The following SLC34A2 variants were observed in gnomAD, a reference collection of about 807,000 sequenced individuals.
The protein encoded by SLC34A2 is solute carrier family 34 member 2.
SLC34A2 carries 41 observed loss-of-function variants against 50.8 expected under a neutral mutation model. The observed-to-expected ratio is 0.81, with a 90% CI of 0.63 to 1.05. The LOEUF (loss-of-function observed/expected upper bound fraction) is 1.05. Among genes scored for constraint, SLC34A2 ranks in the 50% least tolerant of loss-of-function variants. SLC34A2 has a pLI of 0.00. For missense variants in SLC34A2, 879 were observed against 876.7 expected (o/e 1.00, Z -0.03); for synonymous variants, 401 against 364.2 (o/e 1.10, Z -1.15).
At chr4:25,674,148 T>C in intron 10 of SLC34A2, 148 bp from the exon 11 acceptor site, 6 of 708,868 alleles carry the variant, frequency 8.5e-6, no homozygotes, top group Middle Eastern at 6.3e-4. Flanking sequence ...CAATGGGGAA[T>C]GAAACTGGAT....
In SLC34A2 at chr4:25,666,421, C is replaced by T. The variant is rs1714507231; in HGVS notation, c.523+150C>T. 1.1e-5 allele frequency: 10 copies of T among 903,622 alleles called. No individual in the cohort carries two copies. In the South Asian group the frequency reaches 1.2e-4, roughly 11 times the overall value. 56.0% of individuals were successfully genotyped at this position (903,622 alleles called of 1,614,324 possible). On this transcript the variant is annotated intron_variant, in intron 5 of 12. Coordinates refer to ENST00000382051, the MANE Select transcript of SLC34A2 (RefSeq NM_006424.3). Reference sequence around the variant, plus strand: ...CTTGCCCCAGCTACAATGTGTTTCCCTCTTGATCCAAGGCAACTTCCTGTT... The same window carrying T: ...CTTGCCCCAGCTACAATGTGTTTCCTTCTTGATCCAAGGCAACTTCCTGTT...
At chr4:25,674,984 TCTATGTTA>T (rs1339923051) in intron 12 of SLC34A2, among the ~76,000 whole-genome samples, 20 of 152,224 alleles carry the variant, frequency 1.3e-4, no homozygotes, top group Non-Finnish European at 2.5e-4. Context: ...GCATGGACCA[TCTATGTTA>T]CTTTGTGCAA....
At chr4:25,672,091 T>C (rs928222308) in intron 9 of SLC34A2, among the ~76,000 whole-genome samples, 3 of 152,098 alleles carry the variant, frequency 2.0e-5, no homozygotes, top group Admixed American at 6.5e-5. Context: ...CCCAGCACTT[T>C]GGGGAGGCCG....
In SLC34A2 at chr4:25,657,521, A is replaced by G. The variant is rs557751405; in HGVS notation, c.-4+1631A>G. On this transcript the variant is annotated intron_variant, in intron 1 of 12. Transcript: ENST00000382051. ...TTAACTGCTTTAACCTCCCCCCCCA[A>G]TACAATGCAGCACAACTGATATAGT... Among the ~76,000 whole-genome samples the G allele has an allele frequency of 5.9e-5, 9 of 152,272 alleles. No homozygotes were observed. The East Asian group carries it at 1.7e-3, about 29-fold the overall frequency.
chr4:25,668,729 T>C (rs1398326568), intron 6 of SLC34A2, among the ~76,000 whole-genome samples: 3 of 152,030 alleles, frequency 2.0e-5, no homozygotes, highest in Admixed American at 1.3e-4. Flanking sequence ...GCTCAACCCA[T>C]GCCACCTTTT....
At chr4:25,673,729 G>T (rs1012776290) in intron 10 of SLC34A2, among the ~76,000 whole-genome samples, 1 of 152,102 alleles carries the variant, frequency 6.6e-6, no homozygotes, top group African/African-American at 2.4e-5. Flanking sequence ...ATGAGAGCTC[G>T]CTAAGCCAAT....
In SLC34A2 at chr4:25,666,181, T is replaced by G; in HGVS notation, c.433T>G (p.Leu145Val). The change falls in exon 5 of 13, where the codon TTG becomes GTG. Residue 145 changes from leucine (L) to valine (V), a missense_variant. Transcript: ENST00000382051. ...CAGCTCTATTATGTCCAACCCTTTG[T>G]TGGGGCTGGTGATCGGGGTGCTGGT... The part of the protein sequence containing the change: ...SNSSIMSNPL[L>V]GLVIGVLVTV... The G allele has an allele frequency of 6.2e-7, 1 of 1,614,058 alleles. No individual in the cohort carries two copies. Among genetic ancestry groups the G allele is most frequent in the Non-Finnish European group, 8.5e-7 (1 of 1,180,026 alleles).
chr4:25,663,493 T>A (rs1370624234), intron 3 of SLC34A2, among the ~76,000 whole-genome samples: 1 of 152,196 alleles, frequency 6.6e-6, no homozygotes, highest in East Asian at 1.9e-4. Context: ...AATGTGGGCA[T>A]ATTTCTAGTA....
At chr4:25,669,463 G>A (rs190714663) in intron 6 of SLC34A2, among the ~76,000 whole-genome samples, 184 bp from the exon 7 acceptor site, 296 of 152,282 alleles carry the variant, frequency 1.9e-3, no homozygotes, top group Non-Finnish European at 3.3e-3. Context: ...TCTGGCCAAT[G>A]GGAATATAGA....
Position 25,672,955 on chromosome 4 carries a change from T to C in SLC34A2, c.1049-132T>C, listed in dbSNP as rs1046031497. The C allele has an allele frequency of 2.9e-5, 27 of 943,190 alleles. No homozygotes were observed. The African/African-American group carries it at 3.1e-4, about 11-fold the overall frequency. 58.4% of individuals were successfully genotyped at this position (943,190 alleles called of 1,614,324 possible). A position where few individuals can be genotyped will look rare whatever the true frequency, so the allele number is the denominator to read the frequency against. ...GGAGGCTGAGAAGGGCTGTCTTGAT[T>C]TGGGGCTGCCATCTGTTAAACTAAC... On this transcript the variant is annotated intron_variant, in intron 9 of 12. Transcript: ENST00000382051.
intron 10 of SLC34A2, 24 bp downstream of exon 10, chr4:25,673,278 A>G (rs1249609195): frequency 2.0e-6 from 2 of 1,000,186 alleles, no homozygotes; most frequent in South Asian, 2.8e-5. Flanking sequence ...CCTCACTTGT[A>G]GGCCTCACAT....
At chr4:25,675,527 A>G (rs1715064564) in intron 12 of SLC34A2, among the ~76,000 whole-genome samples, 1 of 152,252 alleles carries the variant, frequency 6.6e-6, no homozygotes, top group South Asian at 2.1e-4. Flanking sequence ...AATTAACCGC[A>G]TATGTCATCC....
chr4:25,668,763 A>G (rs965301070), intron 6 of SLC34A2, among the ~76,000 whole-genome samples: 1 of 152,046 alleles, frequency 6.6e-6, no homozygotes, highest in East Asian at 1.9e-4. Context: ...TTACAAGTTA[A>G]TAAAAAACAA....
intron 10 of SLC34A2, 152 bp downstream of exon 10, chr4:25,673,406 A>G: frequency 2.3e-6 from 2 of 851,574 alleles, no homozygotes; most frequent in Admixed American, 2.0e-5. Flanking sequence ...TCACCTGGAA[A>G]TGTTCTTGGC....
Position 25,677,077 on chromosome 4 carries a change from A to G in SLC34A2, c.*328A>G, listed in dbSNP as rs1447861602. On this transcript the variant is annotated 3_prime_UTR_variant, in exon 13 of 13. Transcript: ENST00000382051. ...TCAGTAGAACCTATTTTCAGACTCA[A>G]AAACCATCTTCAGAAAGAAAAGGCC... 2 of 340,696 alleles carry G rather than the reference A, an allele frequency of 5.9e-6. No individual in the cohort carries two copies. The highest frequency in any genetic ancestry group is 1.1e-5 in the Non-Finnish European group (2 of 182,704). The allele number at this position is 340,696 out of a possible 1,614,324, so 21.1% of individuals were successfully genotyped here.
intron 10 of SLC34A2, 121 bp from the exon 11 acceptor site, chr4:25,674,175 G>C (rs1168174060): frequency 2.7e-6 from 2 of 743,464 alleles, no homozygotes; most frequent in Non-Finnish European, 4.9e-6. Flanking sequence ...ACTCTACTCT[G>C]TAATCTGAGA....
intron 6 of SLC34A2, among the ~76,000 whole-genome samples, 188 bp downstream of exon 6, chr4:25,668,179 T>A (rs7665890): frequency 0.024 from 3,639 of 152,344 alleles, 148 homozygotes; most frequent in African/African-American, 0.081. Flanking sequence ...CTCAGCTCCC[T>A]GATCGGCAGA....
Position 25,670,801 on chromosome 4 carries a change from G to A in SLC34A2, c.895G>A (p.Val299Ile), listed in dbSNP as rs1421434088. The change falls in exon 8 of 13, where the codon GTC becomes ATC. Residue 299 changes from valine to isoleucine, a missense_variant. Val to Ile is a conservative substitution (Grantham distance 29). Transcript: ENST00000382051. ...TGAAAAAGCGAAAAACAAGAGTCTTGTCAAGATTTGGTGCAAAACTTTTAC... is the reference window on the plus strand; with the variant it reads ...TGAAAAAGCGAAAAACAAGAGTCTTATCAAGATTTGGTGCAAAACTTTTAC... Reference protein sequence around the residue: ...NDEKAKNKSLVKIWCKTFTNK... With the variant: ...NDEKAKNKSLIKIWCKTFTNK... The A allele has an allele frequency of 1.2e-6, 2 of 1,614,072 alleles. No homozygotes were observed. The highest frequency in any genetic ancestry group is 1.7e-5 in the Admixed American group (1 of 60,024).
At chr4:25,663,997 G>C (rs762433714) in intron 3 of SLC34A2, among the ~76,000 whole-genome samples, 36 of 152,158 alleles carry the variant, frequency 2.4e-4, no homozygotes, top group Non-Finnish European at 8.8e-5. Flanking sequence ...CAGCTAAATG[G>C]ACCACAGCGG....
Sources: gnomAD v4.1 joint callset for allele counts (sites outside exome capture counted in the v4.1 genomes callset) on GRCh38, gnomAD v4.1.1 for gene constraint, MANE v1.5 for transcripts, NCBI Gene and HGNC (gene_info 2026-07-23, HGNC 2026-07-21) for gene names.